Variants in SLC19A1 observed in about 807,000 individuals in gnomAD.
SLC19A1 encodes the protein reduced folate transporter.
Under a neutral mutation model 35.3 loss-of-function variants are expected in SLC19A1, and 37 were observed. The observed-to-expected ratio is 1.05, with a 90% CI of 0.81 to 1.38. The LOEUF is 1.38. Ranked by LOEUF, SLC19A1 falls within the 40% of genes most tolerant of loss-of-function variation. The pLI is 0.00. For synonymous variants in SLC19A1, 460 were observed against 398.5 expected, an observed-to-expected ratio of 1.15 and a Z score of -1.84; for missense variants, 831 against 826.9, an observed-to-expected ratio of 1.00 and a Z score of -0.06.
At chr21:45,503,569 A>G (rs2036981632) in intron 3 of SLC19A1, among the ~76,000 whole-genome samples, 1 of 143,934 alleles carries the variant, frequency 6.9e-6, no homozygotes, top group Non-Finnish European at 1.5e-5. Flanking sequence ...TCTCACTCAT[A>G]GGTGGGAACT....
downstream of SLC19A1, chr21:45,511,282 C>T (rs962434155): frequency 6.1e-5 from 58 of 944,146 alleles, no homozygotes; most frequent in Admixed American, 5.2e-4. Flanking sequence ...GGAAGGCGGG[C>T]GGGCGGGCTC....
Position 45,562,129 on chromosome 21 carries a change from C to CAAAAAAA in SLC19A1, c.-50+606_-50+612dup, listed in dbSNP as rs34594751. On this transcript the variant is annotated intron_variant, in intron 1 of 5. Transcript: ENST00000650808. ...CTGGCAACAGATCAAGACTCTGTCT[C>CAAAAAAA]AAAAAAAAAAAAAAAAAAAGACAAA... Among the ~76,000 whole-genome samples, 9 of 121,618 alleles carry CAAAAAAA rather than the reference C, an allele frequency of 7.4e-5. 2 individuals carry two copies. Among genetic ancestry groups the CAAAAAAA allele is most frequent in the African/African-American group, 9.6e-5 (3 of 31,146 alleles). 79.8% of individuals were successfully genotyped at this position (121,618 alleles called of 152,430 possible).
intron 1 of SLC19A1, among the ~76,000 whole-genome samples, chr21:45,539,982 G>C (rs1050678601): frequency 2.0e-5 from 3 of 152,144 alleles, no homozygotes; most frequent in African/African-American, 7.2e-5. Context: ...GAAAACAGCC[G>C]GCCAGGCAGG....
chr21:45,555,049 G>C (rs1323242947), intron 1 of SLC19A1, among the ~76,000 whole-genome samples: 3 of 150,550 alleles, frequency 2.0e-5, no homozygotes, highest in African/African-American at 7.3e-5. Flanking sequence ...GGAGGCCTCG[G>C]GTTTCCCCGA....
chr21:45,531,666 A>G lies in SLC19A1; in HGVS notation c.672T>C (p.Ala224=), dbSNP rs757042994. ...CAGGATTCATGCGCTCCAGCTCCGA[A>G]GCCGAGGTTTCGCACCGCCCCCGGT... is the stretch of plus-strand genomic sequence containing the variant. The part of the protein sequence containing the change: ...RDDRGRCETS[A]SELERMNPGP... Residue 224 remains alanine, a synonymous_variant, in exon 3 of 6, where the codon GCT becomes GCC. Coordinates refer to ENST00000311124, the MANE Select transcript of SLC19A1 (RefSeq NM_194255.4). 10 of 1,612,270 alleles carry G rather than the reference A, an allele frequency of 6.2e-6. No individual in the cohort carries two copies. The Admixed American group carries it at 1.3e-4, about 22-fold the overall frequency.
In SLC19A1 at chr21:45,536,829, G is replaced by A. The variant is rs139274311; in HGVS notation, c.189+942C>T. On this transcript the variant is annotated intron_variant, in intron 2 of 5. Transcript: ENST00000311124. ...GCCCAGGGCCCTGGGATGGGGTGTC[G>A]GGGTGACCAGCTGGGCCGGCAGCCT... Among the ~76,000 whole-genome samples the A allele has an allele frequency of 5.7e-4, 87 of 152,228 alleles. 1 individual carries two copies. Among genetic ancestry groups the A allele is most frequent in the African/African-American group, 1.6e-3 (65 of 41,512 alleles).
chr21:45,525,405 G>A (rs2077574062), intron 5 of SLC19A1, among the ~76,000 whole-genome samples: 1 of 152,236 alleles, frequency 6.6e-6, no homozygotes, highest in Admixed American at 6.5e-5. Context: ...GAAAGGGGAG[G>A]GCACCCGCAG....
At chr21:45,506,973 T>G in intron 3 of SLC19A1, 1 of 272,198 alleles carries the variant, frequency 3.7e-6, no homozygotes, top group Non-Finnish European at 7.4e-6. Flanking sequence ...GGTGTGCTTG[T>G]AGGCACCCGG....
chr21:45,530,892 C>G lies in SLC19A1; in HGVS notation c.1029G>C (p.Thr343=). The G allele has an allele frequency of 6.8e-7, 1 of 1,481,132 alleles. No individual in the cohort carries two copies. 91.7% of individuals were successfully genotyped at this position (1,481,132 alleles called of 1,614,324 possible). A position where few individuals can be genotyped will look rare whatever the true frequency, so the allele number is the denominator to read the frequency against. The change falls in exon 4 of 6, where the codon ACG becomes ACC. Residue 343 remains threonine (T), a synonymous_variant. Coordinates refer to ENST00000311124, the MANE Select transcript of SLC19A1 (RefSeq NM_194255.4). This position sits in a 1 kb window ranked among gnomAD's most constrained non-coding sequence, Gnocchi z 5.3. ...RWSKLLIAGV[T]ATQAGLVFLL... is the part of the protein sequence containing the mutation. ...GGAAGACCAGCCCCGCCTGCGTGGCCGTGACGCCCGCGATGAGCAGCTTGG... is the reference window on the plus strand; with the variant it reads ...GGAAGACCAGCCCCGCCTGCGTGGCGGTGACGCCCGCGATGAGCAGCTTGG...
At chr21:45,562,355 G>A (rs957047812) in intron 1 of SLC19A1, among the ~76,000 whole-genome samples, 1 of 152,278 alleles carries the variant, frequency 6.6e-6, no homozygotes, top group East Asian at 1.9e-4. Context: ...AGTGACTACG[G>A]AACATTTGTG....
At chr21:45,528,961 A>G (rs1310129598) in intron 4 of SLC19A1, among the ~76,000 whole-genome samples, 2 of 152,252 alleles carry the variant, frequency 1.3e-5, no homozygotes, top group Non-Finnish European at 2.9e-5. Context: ...CTTTATAACT[A>G]AAACCTTTCA....
rs757023473 is a variant in SLC19A1 at position 45,531,738 on chromosome 21, G to C, written c.600C>G (p.Ala200=). Residue 200 remains alanine (A), a synonymous_variant, in exon 3 of 6, where the codon GCC becomes GCG. Transcript: ENST00000311124. ...LAFLTFSVVL[A]LFLKRPKRSL... ...TGCGCTTGGGGCGCTTCAGGAAGAG[G>C]GCGAGGACCACGCTGAAGGTGAGGA... The C allele has an allele frequency of 6.2e-7, 1 of 1,612,704 alleles. No individual in the cohort carries two copies. Among genetic ancestry groups the C allele is most frequent in the Non-Finnish European group, 8.5e-7 (1 of 1,179,628 alleles).
intron 3 of SLC19A1, among the ~76,000 whole-genome samples, chr21:45,504,819 T>G (rs2037093194): frequency 6.6e-6 from 1 of 152,106 alleles, no homozygotes; most frequent in African/African-American, 2.4e-5. Flanking sequence ...CCTCTGCTCC[T>G]GGGCCGGGTC....
In SLC19A1 at chr21:45,512,740, C is replaced by T. The variant is rs886057139; in HGVS notation, c.*2918G>A. ...TCCAGGATTTCCTGCTTTGGGAAGC[C>T]GTGCTCGCCCCAGCAGGTGCTGACT... On this transcript the variant is annotated 3_prime_UTR_variant, in exon 6 of 6. Transcript: ENST00000311124. 2.3e-5 allele frequency: 9 copies of T among 389,252 alleles called. No homozygotes were observed. Among genetic ancestry groups the T allele is most frequent in the South Asian group, 1.6e-4 (7 of 43,874 alleles). 24.1% of individuals were successfully genotyped at this position (389,252 alleles called of 1,614,324 possible).
At chr21:45,511,152 C>T (rs368913533), downstream of SLC19A1, 378 of 1,598,974 alleles carry the variant, frequency 2.4e-4, 1 homozygote, top group Middle Eastern at 1.2e-3. Flanking sequence ...TGTTCTCAGG[C>T]TCTGAGGGTC....
intron 4 of SLC19A1, among the ~76,000 whole-genome samples, chr21:45,526,643 C>T (rs573036305): frequency 6.5e-4 from 99 of 152,356 alleles, no homozygotes; most frequent in African/African-American, 2.2e-3. Flanking sequence ...ACAATCTCAG[C>T]TCACTGCAAC....
rs568435850 is a variant in SLC19A1 at position 45,539,867 on chromosome 21, C to T, written c.-49-1859G>A. ...AGAGGGGGAAGGGTTAGGGGAACCT[C>T]GAGGTTTCCGGAGCTCCACGGCAGG... On this transcript the variant is annotated intron_variant, in intron 1 of 5. Coordinates refer to ENST00000311124, the MANE Select transcript of SLC19A1 (RefSeq NM_194255.4). Among the ~76,000 whole-genome samples, 11 of 152,246 alleles carry T rather than the reference C, an allele frequency of 7.2e-5. No individual in the cohort carries two copies. In the South Asian group the frequency reaches 2.3e-3, roughly 32 times the overall value.
At chr21:45,562,028 G>C (rs542957185) in intron 1 of SLC19A1, among the ~76,000 whole-genome samples, 67 of 151,320 alleles carry the variant, frequency 4.4e-4, no homozygotes, top group Admixed American at 2.2e-3. Flanking sequence ...CTATTCAGGA[G>C]GCTGAGGCAG....
chr21:45,505,214 C>A, intron 3 of SLC19A1: 1 of 1,600,480 alleles, frequency 6.2e-7, no homozygotes, highest in Non-Finnish European at 8.5e-7. Context: ...ACGAGGGGCG[C>A]CAGGGCCCTC....
Sources: allele counts gnomAD v4.1 joint callset (sites outside exome capture counted in the v4.1 genomes callset), GRCh38; gene constraint gnomAD v4.1.1; non-coding constraint Gnocchi (gnomAD v3.1); transcripts MANE v1.5; gene names NCBI Gene and HGNC (gene_info 2026-07-23, HGNC 2026-07-21).